The following COL4A4 variants were observed in gnomAD, a reference collection of about 807,000 sequenced individuals.
COL4A4 encodes the protein collagen alpha-4(IV) chain.
COL4A4 carries 105 observed loss-of-function variants against 192.9 expected under a neutral mutation model. The ratio of observed to expected loss-of-function variants is 0.54; its 90% CI spans 0.46 to 0.64. The LOEUF (loss-of-function observed/expected upper bound fraction) is 0.64. COL4A4 is among the 30% of genes least tolerant of loss of function. The pLI is 0.00. For missense variants in COL4A4, 1,967 were observed against 2,169.3 expected, an observed-to-expected ratio of 0.91 and a Z score of 1.85; for synonymous variants, 762 against 769.9, an observed-to-expected ratio of 0.99 and a Z score of 0.17.
At chr2:227,138,779 G>T (rs1195893207) in intron 4 of COL4A4, among the ~76,000 whole-genome samples, 2 of 152,076 alleles carry the variant, frequency 1.3e-5, no homozygotes, top group Non-Finnish European at 1.5e-5. Context: ...AGTAAAATAG[G>T]CCAACAAAGG....
At chr2:227,016,905 G>A (rs1575770210) in intron 44 of COL4A4, among the ~76,000 whole-genome samples, 1 of 152,294 alleles carries the variant, frequency 6.6e-6, no homozygotes, top group Non-Finnish European at 1.5e-5. Flanking sequence ...CCATCTGGGT[G>A]AGAGGAGCCC....
chr2:227,087,589 A>G (rs1459942462), intron 22 of COL4A4, among the ~76,000 whole-genome samples: 2 of 152,106 alleles, frequency 1.3e-5, no homozygotes, highest in African/African-American at 2.4e-5. Flanking sequence ...CCAGAATCTG[A>G]CCACCTTGCA....
At chr2:227,073,999 T>G (rs140539025) in intron 25 of COL4A4, among the ~76,000 whole-genome samples, 4 of 152,038 alleles carry the variant, frequency 2.6e-5, no homozygotes, top group African/African-American at 9.6e-5. Context: ...AGCAAAGAAT[T>G]CATGAATAAG....
chr2:227,107,122 A>C (rs962317282), intron 12 of COL4A4, among the ~76,000 whole-genome samples: 1 of 152,198 alleles, frequency 6.6e-6, no homozygotes, highest in Non-Finnish European at 1.5e-5. Context: ...CAAACTTGAA[A>C]AACATTGTTT....
chr2:227,143,587 A>G (rs1206118568), intron 3 of COL4A4, among the ~76,000 whole-genome samples: 2 of 152,242 alleles, frequency 1.3e-5, no homozygotes, highest in Non-Finnish European at 2.9e-5. Flanking sequence ...TATTTTAAAA[A>G]AAGTAAAATC....
intron 4 of COL4A4, among the ~76,000 whole-genome samples, chr2:227,136,318 T>C (rs1576783290): frequency 2.0e-5 from 3 of 152,062 alleles, no homozygotes; most frequent in Non-Finnish European, 1.5e-5. Context: ...GGCCTTGTGG[T>C]TTGGCATCTC....
intron 19 of COL4A4, among the ~76,000 whole-genome samples, chr2:227,097,267 T>C (rs1234499733): frequency 6.6e-6 from 1 of 152,212 alleles, no homozygotes; most frequent in Non-Finnish European, 1.5e-5. Context: ...ATAGAGTAAG[T>C]TGTGACAGCA....
Position 227,004,128 on chromosome 2 carries a change from A to G in COL4A4, c.*3197T>C, listed in dbSNP as rs1394243728. On this transcript the variant is annotated 3_prime_UTR_variant, in exon 48 of 48. Coordinates refer to ENST00000396625, the MANE Select transcript of COL4A4 (RefSeq NM_000092.5). ...TTAGGCATACAAAAACGAGTCAAGC[A>G]TGGTCCCTGCCCTCAAGGGGCTTGC... 2 of 152,256 alleles carry G rather than the reference A, an allele frequency of 1.3e-5. No homozygotes were observed. Among genetic ancestry groups the G allele is most frequent in the Non-Finnish European group, 2.9e-5 (2 of 68,046 alleles). The allele number at this position is 152,256 out of a possible 1,614,324, so 9.4% of individuals were successfully genotyped here.
the COL4A4 span, among the ~76,000 whole-genome samples, chr2:226,970,391 CT>C: frequency 7.9e-5 from 12 of 151,976 alleles, no homozygotes; most frequent in Non-Finnish European, 1.3e-4. Context: ...CTAAAATAAG[CT>C]TTTTTCCCCC....
intron 4 of COL4A4, among the ~76,000 whole-genome samples, chr2:227,130,457 C>T (rs1252556404): frequency 2.0e-5 from 3 of 152,166 alleles, no homozygotes; most frequent in Non-Finnish European, 4.4e-5. Flanking sequence ...CTAACCCACT[C>T]AACTCTCCCT....
downstream of COL4A4, among the ~76,000 whole-genome samples, chr2:227,001,334 C>G (rs1249541562): frequency 8.5e-5 from 13 of 152,060 alleles, no homozygotes; most frequent in Admixed American, 7.9e-4. Flanking sequence ...ACCTCATGAT[C>G]CGCCCACCTT....
At chr2:227,068,276 T>A (rs1329825318) in intron 25 of COL4A4, among the ~76,000 whole-genome samples, 1 of 152,202 alleles carries the variant, frequency 6.6e-6, no homozygotes, top group African/African-American at 2.4e-5. Context: ...CACAGCTGAA[T>A]TCTACCAGAG....
chr2:227,037,604 T>C (rs1351426302), intron 37 of COL4A4, among the ~76,000 whole-genome samples: 2 of 152,230 alleles, frequency 1.3e-5, no homozygotes, highest in Non-Finnish European at 2.9e-5. Flanking sequence ...ATAAACCCAG[T>C]AATGGGATCA....
intron 1 of COL4A4, among the ~76,000 whole-genome samples, chr2:227,156,907 C>A (rs1411026175): frequency 6.6e-6 from 1 of 152,160 alleles, no homozygotes; most frequent in African/African-American, 2.4e-5. Flanking sequence ...TAATAATCTT[C>A]TCTTGGTTAT....
chr2:227,023,119 C>T (rs1175232941), intron 43 of COL4A4, among the ~76,000 whole-genome samples: 15 of 152,002 alleles, frequency 9.9e-5, no homozygotes, highest in Admixed American at 9.8e-4. Context: ...CCCAGGGAGG[C>T]TGATGGCGTT....
chr2:227,109,138 G>T, intron 10 of COL4A4, 86 bp downstream of exon 10: 1 of 1,296,728 alleles, frequency 7.7e-7, no homozygotes, highest in Non-Finnish European at 1.1e-6. Flanking sequence ...GCCCACCTGT[G>T]TCTGACCCAA....
At chr2:227,055,842 C>G in intron 30 of COL4A4, 103 bp downstream of exon 30, 1 of 1,059,532 alleles carries the variant, frequency 9.4e-7, no homozygotes, top group Non-Finnish European at 1.4e-6. Flanking sequence ...CAAAGCCAGA[C>G]TAACAGTTAA....
chr2:227,155,270 A>G (rs2064245141), intron 1 of COL4A4, among the ~76,000 whole-genome samples: 1 of 151,938 alleles, frequency 6.6e-6, no homozygotes, highest in South Asian at 2.1e-4. Context: ...TGTTAGTGCA[A>G]TTGGACCAGA....
At chr2:227,068,050 C>G (rs2058461896) in intron 25 of COL4A4, among the ~76,000 whole-genome samples, 1 of 145,772 alleles carries the variant, frequency 6.9e-6, no homozygotes, top group South Asian at 2.3e-4. Context: ...CCACCGATCC[C>G]ACAGAAATAC....
Sources: gnomAD v4.1 joint callset for allele counts (sites outside exome capture counted in the v4.1 genomes callset) on GRCh38, gnomAD v4.1.1 for gene constraint, MANE v1.5 for transcripts, NCBI Gene and HGNC (gene_info 2026-07-23, HGNC 2026-07-21) for gene names.